The following PTPRN2 variants were observed in gnomAD, a reference collection of about 807,000 sequenced individuals.
PTPRN2 encodes the protein receptor-type tyrosine-protein phosphatase N2.
A neutral mutation model predicts 118.8 loss-of-function variants in PTPRN2; 74 were observed. The observed-to-expected ratio is 0.62, with a 90% CI of 0.52 to 0.76. The LOEUF (loss-of-function observed/expected upper bound fraction) is 0.76. PTPRN2 is among the 30% of genes least tolerant of loss of function. PTPRN2 has a pLI of 0.00. For missense variants in PTPRN2, 1,481 were observed against 1,394.4 expected (o/e 1.06, Z -0.99); for synonymous variants, 641 against 608.0 (o/e 1.05, Z -0.80).
rs1440248784 is a variant in PTPRN2 at position 157,729,367 on chromosome 7, G to A, written c.1789-46430C>T. ...CTGGAACCCTGGGCTCTGGAGGGCT[G>A]GATGCCTTCAGGTCCCGGACCCCCC... On this transcript the variant is annotated intron_variant, in intron 12 of 22. Coordinates refer to ENST00000389418, the MANE Select transcript of PTPRN2 (RefSeq NM_002847.5). The surrounding 1 kb of genome is among the most constrained non-coding windows in gnomAD (Gnocchi z 4.3). Among the ~76,000 whole-genome samples the A allele has an allele frequency of 6.6e-6, 1 of 152,126 alleles. No individual in the cohort carries two copies. The highest frequency in any genetic ancestry group is 1.5e-5 in the Non-Finnish European group (1 of 68,036).
chr7:158,531,969 G>A (rs1378966883), intron 1 of PTPRN2, among the ~76,000 whole-genome samples: 4 of 152,136 alleles, frequency 2.6e-5, no homozygotes, highest in Admixed American at 6.5e-5. Flanking sequence ...ACAAGGACAC[G>A]GAAGGCAAAA....
At chr7:158,287,987 G>A (rs1312714108) in intron 3 of PTPRN2, among the ~76,000 whole-genome samples, 4 of 151,962 alleles carry the variant, frequency 2.6e-5, no homozygotes, top group Admixed American at 6.5e-5. Context: ...ACATACTTAG[G>A]TTCTCCAGTT....
chr7:158,221,572 C>A (rs932547581), intron 3 of PTPRN2, among the ~76,000 whole-genome samples: 5 of 152,104 alleles, frequency 3.3e-5, no homozygotes, highest in Non-Finnish European at 7.4e-5. Flanking sequence ...CTGGGGAGGC[C>A]TCACAATCAT....
rs149288310 is a variant in PTPRN2 at position 158,493,897 on chromosome 7, G to A, written c.113-4112C>T. Among the ~76,000 whole-genome samples the A allele has an allele frequency of 6.3e-4, 96 of 151,858 alleles. 1 individual carries two copies. Among genetic ancestry groups the A allele is most frequent in the African/African-American group, 2.1e-3 (85 of 41,394 alleles). ...CAGACACGTACACATATGCATGCAC[G>A]TACATGGGTGCACGTATGCACACGT... On this transcript the variant is annotated intron_variant, in intron 1 of 22. Transcript: ENST00000389418.
At position 158,143,419 on chromosome 7, in the gene PTPRN2, G is replaced by A. The variant is rs143548336; in HGVS notation, c.911-4904C>T. Among the ~76,000 whole-genome samples, 451 of 152,312 alleles carry A rather than the reference G, an allele frequency of 3.0e-3. 1 individual carries two copies. The highest frequency in any genetic ancestry group is 9.3e-3 in the African/African-American group (386 of 41,576). ...GGCATGGCTGTCCCCAGCAGTCGGC[G>A]TCCTCCGTGCTTAGGAGGCGAGGGA... On this transcript the variant is annotated intron_variant, in intron 6 of 22. Coordinates refer to ENST00000389418, the MANE Select transcript of PTPRN2 (RefSeq NM_002847.5).
intron 6 of PTPRN2, among the ~76,000 whole-genome samples, chr7:158,147,655 G>A (rs1421118051): frequency 8.4e-5 from 8 of 95,284 alleles, no homozygotes; most frequent in East Asian, 2.8e-4. Flanking sequence ...CCCATCTCAT[G>A]CCACGTGTCT....
intron 3 of PTPRN2, among the ~76,000 whole-genome samples, chr7:158,214,745 C>A (rs1198017019): frequency 6.6e-6 from 1 of 152,020 alleles, no homozygotes; most frequent in Non-Finnish European, 1.5e-5. Context: ...AGTTGAAACT[C>A]CCACCCCTCT....
At chr7:158,341,394 A>C (rs1806746376) in intron 2 of PTPRN2, among the ~76,000 whole-genome samples, 1 of 148,442 alleles carries the variant, frequency 6.7e-6, no homozygotes, top group Admixed American at 6.7e-5. Flanking sequence ...CACTCTCACC[A>C]TAAGAGCTGT....
At chr7:157,718,554 T>C (rs1216941186) in intron 12 of PTPRN2, among the ~76,000 whole-genome samples, 1 of 151,744 alleles carries the variant, frequency 6.6e-6, no homozygotes, top group Non-Finnish European at 1.5e-5. Context: ...GAGGTGACAC[T>C]GCAGCCTCTC....
chr7:157,890,660 A>G (rs980594800), intron 12 of PTPRN2, among the ~76,000 whole-genome samples: 15 of 152,140 alleles, frequency 9.9e-5, no homozygotes, highest in African/African-American at 3.6e-4. Context: ...ACAACAAAAT[A>G]ATAGGACTTT....
intron 6 of PTPRN2, among the ~76,000 whole-genome samples, chr7:158,160,298 G>A (rs1012983661): frequency 8.5e-5 from 13 of 152,124 alleles, no homozygotes; most frequent in Admixed American, 5.2e-4. Context: ...GTTGGTGGGC[G>A]GGCACTGTCC....
chr7:157,814,469 A>AG (rs1248951976), intron 12 of PTPRN2, among the ~76,000 whole-genome samples: 1 of 134,656 alleles, frequency 7.4e-6, no homozygotes, highest in Non-Finnish European at 1.6e-5. Flanking sequence ...AGGGGACAGG[A>AG]GGGGGCAGGA....
At chr7:158,149,753 G>C (rs1176466882) in intron 6 of PTPRN2, among the ~76,000 whole-genome samples, 2 of 150,588 alleles carry the variant, frequency 1.3e-5, no homozygotes, top group Non-Finnish European at 2.9e-5. Flanking sequence ...GCGGTGAGCT[G>C]AGATTGTGCC....
At chr7:157,555,126 C>T (rs111708488) in intron 21 of PTPRN2, among the ~76,000 whole-genome samples, 2,075 of 152,342 alleles carry the variant, frequency 0.014, 47 homozygotes, top group African/African-American at 0.047. Flanking sequence ...CTGCGTGCTC[C>T]GCTGGCACCC....
chr7:157,698,745 A>G (rs1797930220), intron 12 of PTPRN2, among the ~76,000 whole-genome samples: 1 of 152,236 alleles, frequency 6.6e-6, no homozygotes, highest in Non-Finnish European at 1.5e-5. Flanking sequence ...ATTACTTTTA[A>G]TCAACGTATT....
Position 158,565,081 on chromosome 7 carries a change from A to G in PTPRN2, c.112+22477T>C, listed in dbSNP as rs1479363159. On this transcript the variant is annotated intron_variant, in intron 1 of 22. Coordinates refer to ENST00000389418, the MANE Select transcript of PTPRN2 (RefSeq NM_002847.5). This position sits in a 1 kb window ranked among gnomAD's most constrained non-coding sequence, Gnocchi z 4.6. ...ATGCTGACACCATTCAGAAAATTGT[A>G]TTGTGGAGGAAGGCAAGGATGAAAC... Among the ~76,000 whole-genome samples the G allele has an allele frequency of 6.6e-6, 1 of 152,180 alleles. No homozygotes were observed. Among genetic ancestry groups the G allele is most frequent in the Non-Finnish European group, 1.5e-5 (1 of 68,024 alleles).
At chr7:157,683,902 T>G (rs1257033681) in intron 12 of PTPRN2, among the ~76,000 whole-genome samples, 1 of 152,154 alleles carries the variant, frequency 6.6e-6, no homozygotes, top group Admixed American at 6.5e-5. Flanking sequence ...TCCTGGCTGC[T>G]ACAAGATGAG....
In PTPRN2 at chr7:158,473,678, G is replaced by C. The variant is rs373860950; in HGVS notation, c.163+16057C>G. ...GACACTGTCAGCCTCAGAAAATCTA[G>C]AGTGATCTGAAATGAGCTCATTCAA... On this transcript the variant is annotated intron_variant, in intron 2 of 22. Coordinates refer to ENST00000389418, the MANE Select transcript of PTPRN2 (RefSeq NM_002847.5). Among the ~76,000 whole-genome samples the C allele has an allele frequency of 3.2e-4, 49 of 152,278 alleles. 1 individual carries two copies. The South Asian group carries it at 8.7e-3, about 27-fold the overall frequency.
intron 3 of PTPRN2, among the ~76,000 whole-genome samples, chr7:158,261,305 G>A (rs370469758): frequency 6.6e-6 from 1 of 151,844 alleles, no homozygotes; most frequent in African/African-American, 2.4e-5. Context: ...CATGGAGCTT[G>A]GACAGGGCAA....
Sources: gnomAD v4.1 joint callset for allele counts (sites outside exome capture counted in the v4.1 genomes callset) on GRCh38, gnomAD v4.1.1 for gene constraint, Gnocchi (gnomAD v3.1) non-coding constraint, MANE v1.5 for transcripts, NCBI Gene and HGNC (gene_info 2026-07-23, HGNC 2026-07-21) for gene names.